Variants in NAALADL2 observed in about 807,000 individuals in gnomAD.
NAALADL2 encodes inactive N-acetylated-alpha-linked acidic dipeptidase-like protein 2.
NAALADL2 carries 76 observed loss-of-function variants against 87.2 expected under a neutral mutation model. The observed-to-expected ratio is 0.87, with a 90% CI of 0.72 to 1.05. The LOEUF (loss-of-function observed/expected upper bound fraction) is 1.05, where lower values mean the gene tolerates loss of function less well. NAALADL2 is among the 50% of genes least tolerant of loss of function. The pLI, the probability that NAALADL2 is intolerant of heterozygous loss-of-function variation, is 0.00. For synonymous variants in NAALADL2, 354 were observed against 331.0 expected, an observed-to-expected ratio of 1.07 and a Z score of -0.75; for missense variants, 1,089 against 945.8, an observed-to-expected ratio of 1.15 and a Z score of -1.99.
intron 7 of NAALADL2, 136 bp from the exon 8 acceptor site, chr3:175,466,843 A>G: frequency 2.8e-6 from 2 of 724,022 alleles, no homozygotes; most frequent in Non-Finnish European, 4.7e-6. Flanking sequence ...GAGCAAAAAA[A>G]TTAAAGTAGT....
chr3:174,587,888 C>G (rs141314827), intron 2 of NAALADL2, among the ~76,000 whole-genome samples: 1 of 151,944 alleles, frequency 6.6e-6, no homozygotes, highest in Non-Finnish European at 1.5e-5. Flanking sequence ...ATCTTTGTGG[C>G]GTTCTCTGTA....
chr3:175,215,737 C>T (rs1414233900), intron 2 of NAALADL2, among the ~76,000 whole-genome samples: 4 of 152,122 alleles, frequency 2.6e-5, no homozygotes, highest in African/African-American at 9.7e-5. Flanking sequence ...AAATTTTTGC[C>T]ACACAGGCCA....
chr3:174,918,402 G>A (rs1734701330), intron 1 of NAALADL2, among the ~76,000 whole-genome samples: 1 of 152,132 alleles, frequency 6.6e-6, no homozygotes, highest in Non-Finnish European at 1.5e-5. Flanking sequence ...CCGAATCCCT[G>A]TATTAGCTAT....
chr3:174,451,814 T>C (rs1284979181), intron 1 of NAALADL2, among the ~76,000 whole-genome samples: 1 of 151,288 alleles, frequency 6.6e-6, no homozygotes, highest in Admixed American at 6.6e-5. Flanking sequence ...AAAACATTGT[T>C]AATTAATGTA....
intron 9 of NAALADL2, among the ~76,000 whole-genome samples, chr3:175,488,123 A>C (rs556208209): frequency 6.3e-4 from 96 of 152,326 alleles, no homozygotes; most frequent in Admixed American, 1.5e-3. Context: ...CCCTTCATTG[A>C]AATACTTCAA....
chr3:175,664,273 T>A (rs1333978599), intron 11 of NAALADL2, among the ~76,000 whole-genome samples: 3 of 152,050 alleles, frequency 2.0e-5, no homozygotes, highest in African/African-American at 7.2e-5. Flanking sequence ...TTGTTAGGAG[T>A]TAGTTTGGAA....
At chr3:175,318,584 C>G (rs1759454536) in intron 4 of NAALADL2, among the ~76,000 whole-genome samples, 1 of 152,026 alleles carries the variant, frequency 6.6e-6, no homozygotes, top group South Asian at 2.1e-4. Context: ...TACAGAATGC[C>G]ACTCTTAACA....
intron 1 of NAALADL2, among the ~76,000 whole-genome samples, chr3:174,897,296 T>C (rs1731666670): frequency 6.6e-6 from 1 of 151,906 alleles, no homozygotes; most frequent in Non-Finnish European, 1.5e-5. Flanking sequence ...CCAGATTATA[T>C]AAGGAGCTCA....
Position 174,704,005 on chromosome 3 carries a change from A to G in NAALADL2, c.-114-33636A>G, listed in dbSNP as rs79846705. Among the ~76,000 whole-genome samples, 938 of 152,326 alleles carry G rather than the reference A, an allele frequency of 6.2e-3. 6 individuals are homozygous for G. The highest frequency in any genetic ancestry group is 0.021 in the African/African-American group (892 of 41,584). The stretch of plus-strand genomic sequence containing the variant: ...GAGAAAAGGAGAATCTACTTTATCT[A>G]TCAGTTCAGAAAGTCAGAAGGCATG... On this transcript the variant is annotated intron_variant, in intron 2 of 3. Coordinates refer to the NAALADL2 transcript ENST00000434257.
intron 1 of NAALADL2, 60 bp from the exon 2 acceptor site, chr3:175,096,728 CTT>C (rs1721223525): frequency 4.4e-6 from 5 of 1,146,800 alleles, no homozygotes; most frequent in Non-Finnish European, 5.9e-6. Context: ...TTTGTTTTCA[CTT>C]TGTTAGTTTT....
chr3:175,513,081 G>A (rs1402128778), intron 9 of NAALADL2, among the ~76,000 whole-genome samples: 1 of 152,294 alleles, frequency 6.6e-6, no homozygotes, highest in African/African-American at 2.4e-5. Context: ...CAGTTTCTGT[G>A]TGCTTCTTAT....
intron 1 of NAALADL2, among the ~76,000 whole-genome samples, chr3:175,004,038 T>G (rs921130819): frequency 2.0e-5 from 3 of 152,142 alleles, no homozygotes; most frequent in Non-Finnish European, 4.4e-5. Flanking sequence ...TCATGTTTCT[T>G]CTCACCTAAG....
chr3:175,019,858 A>G (rs779511283), intron 1 of NAALADL2, among the ~76,000 whole-genome samples: 2 of 152,072 alleles, frequency 1.3e-5, no homozygotes, highest in Non-Finnish European at 2.9e-5. Context: ...TACATATCTG[A>G]TAAAATTCTT....
intron 11 of NAALADL2, among the ~76,000 whole-genome samples, chr3:175,630,056 C>T (rs2149723753): frequency 6.6e-6 from 1 of 151,644 alleles, no homozygotes; most frequent in African/African-American, 2.4e-5. Flanking sequence ...TATGACTTAC[C>T]CAATGTTGAT....
intron 2 of NAALADL2, among the ~76,000 whole-genome samples, chr3:175,186,107 G>A (rs1372655062): frequency 6.6e-6 from 1 of 151,988 alleles, no homozygotes; most frequent in Non-Finnish European, 1.5e-5. Context: ...ACTTTGTAAG[G>A]CATCAGTTTA....
At chr3:175,128,645 C>G (rs181114921) in intron 2 of NAALADL2, among the ~76,000 whole-genome samples, 25 of 152,096 alleles carry the variant, frequency 1.6e-4, no homozygotes, top group African/African-American at 5.8e-4. Flanking sequence ...TTTTCAATAT[C>G]AAGATTTAGA....
In NAALADL2 at chr3:175,213,303, G is replaced by A. The variant is rs566705355; in HGVS notation, c.546-20628G>A. On this transcript the variant is annotated intron_variant, in intron 2 of 13. Coordinates refer to ENST00000454872, the MANE Select transcript of NAALADL2 (RefSeq NM_207015.3). The stretch of plus-strand genomic sequence containing the variant: ...ACAAACCTAAACACTGAAAAATAAG[G>A]TTTGGTCTTTGTCCTACTAGATATT... 1.2e-3 allele frequency among the ~76,000 whole-genome samples: 188 copies of A among 152,014 alleles called. 3 individuals carry two copies. Among genetic ancestry groups the A allele is most frequent in the Admixed American group, 2.6e-3 (39 of 15,230 alleles).
chr3:174,657,943 T>A (rs1453859558), intron 2 of NAALADL2, among the ~76,000 whole-genome samples: 1 of 152,180 alleles, frequency 6.6e-6, no homozygotes, highest in Non-Finnish European at 1.5e-5. Flanking sequence ...CTCCATGTAT[T>A]TTCATAGCTC....
At chr3:174,555,796 G>A (rs1712722536) in intron 2 of NAALADL2, among the ~76,000 whole-genome samples, 1 of 152,060 alleles carries the variant, frequency 6.6e-6, no homozygotes, top group Admixed American at 6.6e-5. Flanking sequence ...CCTACTTTCA[G>A]GTCAGATAAT....
Sources: gnomAD v4.1 joint callset for allele counts (sites outside exome capture counted in the v4.1 genomes callset) on GRCh38, gnomAD v4.1.1 for gene constraint, MANE v1.5 for transcripts, NCBI Gene and HGNC (gene_info 2026-07-23, HGNC 2026-07-21) for gene names.